VOPP1: variants seen among roughly 807,000 people sequenced by gnomAD.
The protein encoded by VOPP1 is WW domain binding protein VOPP1.
VOPP1 carries 8 observed loss-of-function variants against 23.5 expected under a neutral mutation model. The observed-to-expected ratio is 0.34, with a 90% CI of 0.20 to 0.61. The LOEUF (loss-of-function observed/expected upper bound fraction) is 0.61. VOPP1 is among the 20% of genes least tolerant of loss of function. The probability of loss-of-function intolerance (pLI) is 0.78; values close to 1 mark genes in which losing one functional copy is unlikely to be tolerated. For missense variants in VOPP1, 174 were observed against 238.1 expected (o/e 0.73, Z 1.77); for synonymous variants, 83 against 97.3 (o/e 0.85, Z 0.86).
intron 2 of VOPP1, among the ~76,000 whole-genome samples, chr7:55,506,669 G>GC (rs1272286012): frequency 6.6e-6 from 1 of 151,428 alleles, no homozygotes; most frequent in Non-Finnish European, 1.5e-5. Context: ...ATGGAGCTTC[G>GC]CTCTTGTTGC....
At chr7:55,538,125 C>T (rs1307846015) in intron 1 of VOPP1, among the ~76,000 whole-genome samples, 1 of 152,240 alleles carries the variant, frequency 6.6e-6, no homozygotes, top group Non-Finnish European at 1.5e-5. Flanking sequence ...TGGTGGAAAA[C>T]TTTTCCTGCT....
chr7:55,520,940 G>C, intron 2 of VOPP1, 132 bp downstream of exon 2: 3 of 911,930 alleles, frequency 3.3e-6, no homozygotes, highest in Non-Finnish European at 3.3e-6. Flanking sequence ...CCCCAGTGAG[G>C]CAAGCCTGGC....
chr7:55,536,224 T>C (rs912217408), intron 1 of VOPP1, among the ~76,000 whole-genome samples: 6 of 152,178 alleles, frequency 3.9e-5, no homozygotes, highest in African/African-American at 1.4e-4. Context: ...CCAGGATACA[T>C]AGGCTGATTA....
In VOPP1 at chr7:55,497,559, G is replaced by GC; in HGVS notation, c.191+53_191+54insG. 3 of 1,040,066 alleles carry GC rather than the reference G, an allele frequency of 2.9e-6. No homozygotes were observed. In the East Asian group the frequency reaches 9.1e-5, roughly 32 times the overall value. The allele number at this position is 1,040,066 out of a possible 1,614,324, so 64.4% of individuals were successfully genotyped here. A position where few individuals can be genotyped will look rare whatever the true frequency, so the allele number is the denominator to read the frequency against. On this transcript the variant is annotated intron_variant, in intron 3 of 4. Coordinates refer to ENST00000285279, the MANE Select transcript of VOPP1 (RefSeq NM_030796.5). ...CAAGGCTGTGACAACACTGATGGGGGGGGGGGGGGGGCAGAGCTCTCGGGG... is the reference window on the plus strand; with the variant it reads ...CAAGGCTGTGACAACACTGATGGGGGCGGGGGGGGGGGCAGAGCTCTCGGGG...
intron 1 of VOPP1, among the ~76,000 whole-genome samples, chr7:55,538,912 TAAAAA>T (rs199687059): frequency 6.7e-6 from 1 of 148,176 alleles, no homozygotes; most frequent in East Asian, 2.0e-4. Flanking sequence ...TATACAATCT[TAAAAA>T]AAAAAGTTGC....
At chr7:55,559,928 C>T (rs897111313) in intron 1 of VOPP1, among the ~76,000 whole-genome samples, 2 of 152,158 alleles carry the variant, frequency 1.3e-5, no homozygotes, top group African/African-American at 4.8e-5. Context: ...CCGTGGCAGG[C>T]GATCACCTGA....
rs12667995 is a variant in VOPP1, at chr7:55,514,320, C to T, written c.113+6752G>A. Among the ~76,000 whole-genome samples, 141 of 152,258 alleles carry T rather than the reference C, an allele frequency of 9.3e-4. 1 individual carries two copies. The East Asian group carries it at 0.024, about 26-fold the overall frequency. Reference sequence around the variant, plus strand: ...GCCAGCCAGGGTGTTGTGGAATAAGCGGGATGAGACCCTTGAAGGTGATCT... The same window carrying T: ...GCCAGCCAGGGTGTTGTGGAATAAGTGGGATGAGACCCTTGAAGGTGATCT... On this transcript the variant is annotated intron_variant, in intron 2 of 4. Transcript: ENST00000285279.
chr7:55,572,235 C>A, intron 1 of VOPP1, 36 bp downstream of exon 1: 1 of 1,500,312 alleles, frequency 6.7e-7, no homozygotes, highest in South Asian at 1.2e-5. Context: ...ATGGTGGGCG[C>A]CGCGCCTCCG....
intron 1 of VOPP1, among the ~76,000 whole-genome samples, chr7:55,529,432 C>T (rs1430213876): frequency 6.6e-6 from 1 of 150,508 alleles, no homozygotes; most frequent in Admixed American, 6.6e-5. Context: ...CTGCAAGACC[C>T]AACACACATG....
chr7:55,555,861 C>G (rs1169317756), intron 1 of VOPP1, among the ~76,000 whole-genome samples: 1 of 152,192 alleles, frequency 6.6e-6, no homozygotes, highest in Non-Finnish European at 1.5e-5. Context: ...GCTGGACTCC[C>G]TTCAGTGAGC....
chr7:55,515,610 G>C (rs143664608), intron 2 of VOPP1, among the ~76,000 whole-genome samples: 1 of 152,172 alleles, frequency 6.6e-6, no homozygotes, highest in Non-Finnish European at 1.5e-5. Flanking sequence ...CAGGCACCAC[G>C]ACCACACCTT....
chr7:55,494,725 C>T (rs1263658244), intron 3 of VOPP1, among the ~76,000 whole-genome samples: 2 of 152,196 alleles, frequency 1.3e-5, no homozygotes, highest in Non-Finnish European at 2.9e-5. Flanking sequence ...GATCCTCCCA[C>T]CTTGGCCTCC....
intron 2 of VOPP1, among the ~76,000 whole-genome samples, chr7:55,502,464 G>A (rs988604172): frequency 6.6e-6 from 1 of 152,170 alleles, no homozygotes; most frequent in Non-Finnish European, 1.5e-5. Flanking sequence ...GCATTCTTGC[G>A]GCTCATCTGC....
At chr7:55,536,062 G>A (rs940167787) in intron 1 of VOPP1, among the ~76,000 whole-genome samples, 13 of 152,304 alleles carry the variant, frequency 8.5e-5, no homozygotes, top group African/African-American at 2.9e-4. Flanking sequence ...GCCCTGCCTC[G>A]GCCACCCTGT....
intron 4 of VOPP1, among the ~76,000 whole-genome samples, chr7:55,447,184 G>A (rs1791121791): frequency 6.6e-6 from 1 of 152,202 alleles, no homozygotes; most frequent in Non-Finnish European, 1.5e-5. Context: ...GGCTTTTCCA[G>A]GTACTATAGA....
intron 1 of VOPP1, among the ~76,000 whole-genome samples, chr7:55,570,406 G>C (rs1424694517): frequency 2.0e-5 from 3 of 152,098 alleles, no homozygotes; most frequent in Non-Finnish European, 4.4e-5. Context: ...AGGCATTTAG[G>C]TTTCAGTTTT....
At chr7:55,506,642 C>T (rs987424840) in intron 2 of VOPP1, among the ~76,000 whole-genome samples, 1 of 31,718 alleles carries the variant, frequency 3.2e-5, no homozygotes, top group African/African-American at 1.5e-4. Context: ...CAGCCACAAG[C>T]TTCTTTTTTT....
downstream of VOPP1, among the ~76,000 whole-genome samples, chr7:55,470,371 T>G (rs1050433666): frequency 6.6e-6 from 1 of 152,222 alleles, no homozygotes; most frequent in Admixed American, 6.5e-5. Context: ...CAAGGTTAAC[T>G]TACAGTATCA....
intron 2 of VOPP1, among the ~76,000 whole-genome samples, chr7:55,502,475 G>A (rs1794435170): frequency 6.6e-6 from 1 of 152,166 alleles, no homozygotes; most frequent in East Asian, 1.9e-4. Flanking sequence ...GCTCATCTGC[G>A]GCGCTGGCCC....
Sources: gnomAD v4.1 joint callset for allele counts (sites outside exome capture counted in the v4.1 genomes callset) on GRCh38, gnomAD v4.1.1 for gene constraint, MANE v1.5 for transcripts, NCBI Gene and HGNC (gene_info 2026-07-23, HGNC 2026-07-21) for gene names.